TMEM74: variants seen among roughly 807,000 people sequenced by gnomAD.
The protein encoded by TMEM74 is transmembrane protein 74.
A neutral mutation model predicts 18.1 loss-of-function variants in TMEM74; 13 were observed. The observed-to-expected ratio is 0.72, with a 90% confidence interval of 0.47 to 1.14. The LOEUF (loss-of-function observed/expected upper bound fraction) is 1.14. TMEM74 is among the 50% of genes most tolerant of loss of function. The pLI, the probability that TMEM74 is intolerant of heterozygous loss-of-function variation, is 0.00. For synonymous variants in TMEM74, 159 were observed against 146.6 expected, an observed-to-expected ratio of 1.08 and a Z score of -0.61; for missense variants, 372 against 375.9, an observed-to-expected ratio of 0.99 and a Z score of 0.09.
chr8:108,749,165 GT>G (rs913052754), intron 1 of TMEM74, among the ~76,000 whole-genome samples: 3 of 58,192 alleles, frequency 5.2e-5, no homozygotes, highest in African/African-American at 9.3e-5. Flanking sequence ...AATAGTTGTT[GT>G]TTTTTTTTCT....
intron 1 of TMEM74, among the ~76,000 whole-genome samples, chr8:108,729,379 C>A (rs1294068539): frequency 5.9e-5 from 9 of 152,194 alleles, no homozygotes; most frequent in Admixed American, 5.9e-4. Context: ...TTAGAAAGTT[C>A]TCTGATCTCT....
chr8:108,729,834 G>A (rs1813676773), intron 1 of TMEM74, among the ~76,000 whole-genome samples: 1 of 152,116 alleles, frequency 6.6e-6, no homozygotes, highest in Non-Finnish European at 1.5e-5. Context: ...TTCTTAGCTT[G>A]TAAGGAGCTC....
At chr8:108,645,134 A>G (rs1256397778) in intron 2 of TMEM74, among the ~76,000 whole-genome samples, 1 of 152,170 alleles carries the variant, frequency 6.6e-6, no homozygotes, top group East Asian at 1.9e-4. Context: ...TTGGATAAAA[A>G]AATGTGGTGC....
At chr8:108,638,547 T>G (rs990410835) in intron 2 of TMEM74, among the ~76,000 whole-genome samples, 1 of 150,224 alleles carries the variant, frequency 6.7e-6, no homozygotes. Context: ...TGGTGAAATT[T>G]CCAAAGTCTC....
intron 2 of TMEM74, among the ~76,000 whole-genome samples, chr8:108,641,337 T>C (rs536423883): frequency 1.3e-5 from 2 of 152,124 alleles, no homozygotes; most frequent in African/African-American, 4.8e-5. Flanking sequence ...ACAAAATACA[T>C]GCCTTACTGA....
intron 1 of TMEM74, among the ~76,000 whole-genome samples, chr8:108,703,137 T>C (rs967785418): frequency 6.6e-6 from 1 of 152,132 alleles, no homozygotes; most frequent in Admixed American, 6.5e-5. Context: ...CTAAAGTTCC[T>C]ATGTCCCTCC....
chr8:108,740,881 C>T (rs1028250604), intron 1 of TMEM74, among the ~76,000 whole-genome samples: 1 of 152,084 alleles, frequency 6.6e-6, no homozygotes, highest in Non-Finnish European at 1.5e-5. Context: ...AAACTATGTG[C>T]AAAATAGTTC....
At chr8:108,671,848 C>T (rs1000851027) in intron 1 of TMEM74, among the ~76,000 whole-genome samples, 1 of 152,042 alleles carries the variant, frequency 6.6e-6, no homozygotes, top group Non-Finnish European at 1.5e-5. Context: ...TATTGCCTTC[C>T]ATAAAAGGTA....
chr8:108,680,806 A>G (rs1813106064), intron 1 of TMEM74, among the ~76,000 whole-genome samples: 1 of 152,222 alleles, frequency 6.6e-6, no homozygotes, highest in Non-Finnish European at 1.5e-5. Context: ...CTGATAAGCA[A>G]CTTCAGCAAA....
chr8:108,744,445 G>T (rs866168693), intron 1 of TMEM74, among the ~76,000 whole-genome samples: 1 of 152,058 alleles, frequency 6.6e-6, no homozygotes. Flanking sequence ...ATTTTTAGGA[G>T]GTTTAGTATT....
At chr8:108,661,206 G>A (rs183977158) in intron 1 of TMEM74, among the ~76,000 whole-genome samples, 1 of 152,080 alleles carries the variant, frequency 6.6e-6, no homozygotes, top group East Asian at 1.9e-4. Flanking sequence ...TAAGAGAACT[G>A]TTGGCCAAAA....
intron 1 of TMEM74, among the ~76,000 whole-genome samples, chr8:108,738,333 A>G (rs1271524695): frequency 6.6e-6 from 1 of 152,196 alleles, no homozygotes; most frequent in African/African-American, 2.4e-5. Context: ...ATGTTTGTGC[A>G]CAGTTCAGAA....
chr8:108,659,806 C>T (rs562729002), intron 1 of TMEM74, among the ~76,000 whole-genome samples: 1 of 152,244 alleles, frequency 6.6e-6, no homozygotes, highest in South Asian at 2.1e-4. Context: ...GTTGTCAGCT[C>T]CCACAGGTTT....
rs1437734830 is a variant in TMEM74, at chr8:108,781,633, G to A, written c.*2548C>T. On this transcript the variant is annotated 3_prime_UTR_variant, in exon 2 of 2. Transcript: ENST00000297459. ...CAGATAAGTAGAACCTTAAAAGAGAGGTGCTCTATATGTTAGCAGATTTAA... is the reference window on the plus strand; with the variant it reads ...CAGATAAGTAGAACCTTAAAAGAGAAGTGCTCTATATGTTAGCAGATTTAA... Among the ~76,000 whole-genome samples, 1 of 152,130 alleles carries A rather than the reference G, an allele frequency of 6.6e-6. No homozygotes were observed. Among genetic ancestry groups the A allele is most frequent in the Non-Finnish European group, 1.5e-5 (1 of 68,028 alleles).
chr8:108,666,500 A>G (rs1812950633), intron 1 of TMEM74, among the ~76,000 whole-genome samples: 1 of 152,186 alleles, frequency 6.6e-6, no homozygotes, highest in African/African-American at 2.4e-5. Context: ...GCAGTCAAAT[A>G]AAATGCTTTG....
chr8:108,685,000 T>C (rs939321204), intron 1 of TMEM74, among the ~76,000 whole-genome samples: 1 of 152,270 alleles, frequency 6.6e-6, no homozygotes, highest in Admixed American at 6.5e-5. Flanking sequence ...AGGGATTACA[T>C]TGAATCTGCA....
intron 1 of TMEM74, among the ~76,000 whole-genome samples, chr8:108,715,501 A>T (rs1047508139): frequency 6.6e-6 from 1 of 151,982 alleles, no homozygotes; most frequent in Admixed American, 6.6e-5. Flanking sequence ...ATCATCATTT[A>T]AAAAAAACTG....
chr8:108,629,557 G>A (rs1200750370), intron 2 of TMEM74, among the ~76,000 whole-genome samples: 3 of 151,932 alleles, frequency 2.0e-5, no homozygotes, highest in Non-Finnish European at 4.4e-5. Context: ...TTGAAATGAG[G>A]GAAAAATTAT....
At chr8:108,735,402 C>A (rs1415540737) in intron 1 of TMEM74, among the ~76,000 whole-genome samples, 3 of 123,518 alleles carry the variant, frequency 2.4e-5, no homozygotes, top group South Asian at 2.7e-4. Context: ...ATCTAATAAT[C>A]TACTTTCTGT....
Sources: gnomAD v4.1 joint callset for allele counts (sites outside exome capture counted in the v4.1 genomes callset) on GRCh38, gnomAD v4.1.1 for gene constraint, MANE v1.5 for transcripts, NCBI Gene and HGNC (gene_info 2026-07-23, HGNC 2026-07-21) for gene names.